The following SPATA6 variants were observed in gnomAD, a reference collection of about 807,000 sequenced individuals.
The protein encoded by SPATA6 is spermatogenesis-associated protein 6.
Under a neutral mutation model 65.3 loss-of-function variants are expected in SPATA6, and 56 were observed. That is an observed-to-expected ratio of 0.86 (90% CI 0.69 to 1.07). The LOEUF (loss-of-function observed/expected upper bound fraction) is 1.07, where lower values mean the gene tolerates loss of function less well. Ranked by LOEUF, SPATA6 falls within the 50% of genes least tolerant of loss-of-function variation. The pLI is 0.00. For missense variants in SPATA6, 590 were observed against 594.8 expected, an observed-to-expected ratio of 0.99 and a Z score of 0.08; for synonymous variants, 199 against 213.2, an observed-to-expected ratio of 0.93 and a Z score of 0.58.
chr1:48,401,152 G>A (rs931372625), intron 6 of SPATA6, among the ~76,000 whole-genome samples: 1 of 151,864 alleles, frequency 6.6e-6, no homozygotes, highest in African/African-American at 2.4e-5. Context: ...CACTGAATCT[G>A]TTACTTGCCC....
At chr1:48,301,815 T>C (rs1037582479) in intron 12 of SPATA6, among the ~76,000 whole-genome samples, 18 of 152,148 alleles carry the variant, frequency 1.2e-4, no homozygotes, top group African/African-American at 4.1e-4. Flanking sequence ...CTGGGAAAAC[T>C]GGATATTCAT....
At chr1:48,290,223 C>A in the SPATA6 span, among the ~76,000 whole-genome samples, 3 of 152,078 alleles carry the variant, frequency 2.0e-5, no homozygotes, top group Non-Finnish European at 1.5e-5. Context: ...GAATTTTCAA[C>A]CCAGAATCTC....
chr1:48,311,782 C>T (rs1020777679), intron 11 of SPATA6, among the ~76,000 whole-genome samples: 4 of 152,152 alleles, frequency 2.6e-5, no homozygotes, highest in Admixed American at 1.3e-4. Flanking sequence ...TCACCTCCCC[C>T]GGGAAGTACA....
chr1:48,385,015 G>A (rs1649307837), intron 9 of SPATA6, among the ~76,000 whole-genome samples: 2 of 152,030 alleles, frequency 1.3e-5, no homozygotes, highest in East Asian at 3.9e-4. Flanking sequence ...ACCATGTAAG[G>A]TATTACTGAA....
In SPATA6 at chr1:48,311,944, C is replaced by T. The variant is rs58588766; in HGVS notation, c.1195-6066G>A. On this transcript the variant is annotated intron_variant, in intron 11 of 12. Transcript: ENST00000371847. ...GTATCCCGCGATTGGCTTGGAGGGT[C>T]CTACGCCCACGGAGCCTCACTCATT... Among the ~76,000 whole-genome samples the T allele has an allele frequency of 7.1e-3, 1,077 of 152,322 alleles. 18 individuals carry two copies. Among genetic ancestry groups the T allele is most frequent in the African/African-American group, 0.024 (1,016 of 41,568 alleles).
intron 11 of SPATA6, among the ~76,000 whole-genome samples, chr1:48,346,504 T>C (rs145732156): frequency 6.7e-6 from 1 of 150,180 alleles, no homozygotes; most frequent in East Asian, 2.0e-4. Context: ...GACATGAAAA[T>C]AGAAGAGAGG....
chr1:48,299,050 G>A (rs909605614), intron 12 of SPATA6, among the ~76,000 whole-genome samples, 157 bp from the exon 13 acceptor site: 3 of 152,104 alleles, frequency 2.0e-5, no homozygotes, highest in Non-Finnish European at 4.4e-5. Context: ...TTCAAAGAGG[G>A]ACATTTTAAA....
the SPATA6 span, among the ~76,000 whole-genome samples, chr1:48,280,012 C>A: frequency 6.6e-6 from 1 of 152,184 alleles, no homozygotes; most frequent in East Asian, 1.9e-4. Context: ...CAAACTAGAA[C>A]TCAGGATTAA....
chr1:48,359,691 C>G lies in SPATA6; in HGVS notation c.989G>C (p.Ser330Thr). The G allele has an allele frequency of 3.1e-6, 5 of 1,613,792 alleles. No individual in the cohort carries two copies. Among genetic ancestry groups the G allele is most frequent in the Non-Finnish European group, 4.2e-6 (5 of 1,179,840 alleles). ...CEEYLSPRSC[S>T]KPRHSARTLL... ...GGTCCTCGCTGAATGCCGGGGCTTA[C>G]TACACGACCTTGGGCTCAAATACTC... The change falls in exon 10 of 13, where the codon AGT becomes ACT. Residue 330 changes from serine (S) to threonine (T), a missense_variant. By Grantham distance (58) the Ser-to-Thr change is moderately conservative. Coordinates refer to ENST00000371847, the MANE Select transcript of SPATA6 (RefSeq NM_019073.4).
chr1:48,278,183 C>T, the SPATA6 span, among the ~76,000 whole-genome samples: 1 of 151,928 alleles, frequency 6.6e-6, no homozygotes, highest in African/African-American at 2.4e-5. Context: ...CTCATCTGTA[C>T]ATCCCCATCA....
intron 3 of SPATA6, among the ~76,000 whole-genome samples, chr1:48,444,419 C>T (rs1655816261): frequency 6.6e-6 from 1 of 151,744 alleles, no homozygotes; most frequent in Non-Finnish European, 1.5e-5. Context: ...TCTGTAAAAA[C>T]GCACCAATCA....
intron 3 of SPATA6, among the ~76,000 whole-genome samples, chr1:48,433,604 C>T (rs1479508124): frequency 1.3e-5 from 2 of 152,092 alleles, no homozygotes; most frequent in Non-Finnish European, 2.9e-5. Flanking sequence ...AAATAACTTA[C>T]GTGCCAGACT....
At chr1:48,342,369 A>G (rs1452909482) in intron 11 of SPATA6, among the ~76,000 whole-genome samples, 1 of 152,164 alleles carries the variant, frequency 6.6e-6, no homozygotes, top group Admixed American at 6.6e-5. Flanking sequence ...AATAAATATC[A>G]CTTTGGGAGG....
the SPATA6 span, among the ~76,000 whole-genome samples, chr1:48,285,173 C>T: frequency 6.6e-6 from 1 of 152,138 alleles, no homozygotes; most frequent in Non-Finnish European, 1.5e-5. Context: ...AGCAGTTTGC[C>T]TAGCTGCGGT....
intron 1 of SPATA6, among the ~76,000 whole-genome samples, chr1:48,453,858 G>A (rs1656792622): frequency 6.6e-6 from 1 of 151,726 alleles, no homozygotes. Flanking sequence ...AGGAAGGAAG[G>A]TGAGAAGGAA....
intron 9 of SPATA6, among the ~76,000 whole-genome samples, chr1:48,379,944 A>G (rs1166692923): frequency 1.3e-5 from 2 of 152,252 alleles, no homozygotes; most frequent in African/African-American, 4.8e-5. Flanking sequence ...ACCACAACAA[A>G]TAAGTATGTG....
At chr1:48,314,126 G>C (rs1645323285) in intron 11 of SPATA6, among the ~76,000 whole-genome samples, 2 of 152,122 alleles carry the variant, frequency 1.3e-5, no homozygotes, top group Non-Finnish European at 2.9e-5. Context: ...ACATTAGACA[G>C]ATCAACGAGA....
chr1:48,376,544 C>T (rs892250790), intron 9 of SPATA6, among the ~76,000 whole-genome samples: 1 of 151,256 alleles, frequency 6.6e-6, no homozygotes, highest in Non-Finnish European at 1.5e-5. Flanking sequence ...AAAAAAAAGC[C>T]TAGAGGTATT....
At chr1:48,358,898 G>A (rs529246758) in intron 10 of SPATA6, among the ~76,000 whole-genome samples, 3 of 152,034 alleles carry the variant, frequency 2.0e-5, no homozygotes, top group Non-Finnish European at 4.4e-5. Flanking sequence ...TTTTAATATA[G>A]CATCCAAACT....
Sources: allele counts gnomAD v4.1 joint callset (sites outside exome capture counted in the v4.1 genomes callset), GRCh38; gene constraint gnomAD v4.1.1; transcripts MANE v1.5; gene names NCBI Gene and HGNC (gene_info 2026-07-23, HGNC 2026-07-21).